The following NRG3 variants were observed in gnomAD, a reference collection of about 807,000 sequenced individuals.
The protein encoded by NRG3 is pro-neuregulin-3, membrane-bound isoform.
A neutral mutation model predicts 66.9 loss-of-function variants in NRG3; 31 were observed. That is an observed-to-expected ratio of 0.46 (90% confidence interval 0.35 to 0.63). The LOEUF (loss-of-function observed/expected upper bound fraction) is 0.63, where lower values mean the gene tolerates loss of function less well. Ranked by LOEUF, NRG3 falls within the 20% of genes least tolerant of loss-of-function variation. NRG3 has a pLI of 0.00. For missense variants in NRG3, 910 were observed against 878.9 expected (o/e 1.04, Z -0.45); for synonymous variants, 393 against 359.4 (o/e 1.09, Z -1.06).
intron 2 of NRG3, among the ~76,000 whole-genome samples, chr10:82,499,282 T>G (rs1037689713): frequency 6.6e-6 from 1 of 152,202 alleles, no homozygotes; most frequent in Non-Finnish European, 1.5e-5. Context: ...ACTTGGCTGG[T>G]ACTTTCAAAG....
At chr10:82,169,761 A>G (rs1202534215) in intron 1 of NRG3, among the ~76,000 whole-genome samples, 1 of 151,768 alleles carries the variant, frequency 6.6e-6, no homozygotes, top group African/African-American at 2.4e-5. Flanking sequence ...ATTAAAGATT[A>G]TGTGTAGTTT....
At chr10:82,984,564 T>C (rs1853257169) in intron 8 of NRG3, among the ~76,000 whole-genome samples, 2 of 152,108 alleles carry the variant, frequency 1.3e-5, no homozygotes, top group Non-Finnish European at 2.9e-5. Context: ...CTAAAATCAG[T>C]GTGAAGCAGA....
intron 2 of NRG3, among the ~76,000 whole-genome samples, chr10:82,462,122 A>G (rs573573606): frequency 1.5e-4 from 23 of 152,148 alleles, no homozygotes; most frequent in African/African-American, 5.3e-4. Flanking sequence ...CAAGAGTGAA[A>G]CTCCATCTCA....
chr10:82,723,132 C>CTTTTTAT (rs1328631600), intron 2 of NRG3, among the ~76,000 whole-genome samples: 9 of 152,116 alleles, frequency 5.9e-5, no homozygotes, highest in Non-Finnish European at 1.2e-4. Context: ...TGGAATACTA[C>CTTTTTAT]ACAGCCATAA....
chr10:82,830,754 C>T (rs1027785027), intron 3 of NRG3, among the ~76,000 whole-genome samples: 1 of 152,080 alleles, frequency 6.6e-6, no homozygotes, highest in Non-Finnish European at 1.5e-5. Flanking sequence ...CAACTCCTAC[C>T]TTGCTAAAAA....
At chr10:82,946,915 T>A (rs1849085498) in intron 4 of NRG3, among the ~76,000 whole-genome samples, 1 of 152,204 alleles carries the variant, frequency 6.6e-6, no homozygotes, top group African/African-American at 2.4e-5. Flanking sequence ...CTTTGCATAT[T>A]CTTTGTATTC....
intron 3 of NRG3, among the ~76,000 whole-genome samples, chr10:82,819,075 C>T (rs937895374): frequency 1.1e-4 from 16 of 152,190 alleles, no homozygotes; most frequent in South Asian, 2.1e-4. Flanking sequence ...CATAATTAGA[C>T]GTATTTTGTA....
At chr10:82,272,680 A>G (rs1356400259) in intron 1 of NRG3, among the ~76,000 whole-genome samples, 1 of 152,024 alleles carries the variant, frequency 6.6e-6, no homozygotes, top group East Asian at 1.9e-4. Context: ...ATATTCCATG[A>G]CATATTCATG....
chr10:82,017,387 C>T (rs576233663), intron 1 of NRG3, among the ~76,000 whole-genome samples: 3 of 152,072 alleles, frequency 2.0e-5, no homozygotes, highest in Admixed American at 6.6e-5. Flanking sequence ...TGAGTAGTGC[C>T]GCAATAAACA....
chr10:82,216,054 G>A (rs2484886), intron 1 of NRG3, among the ~76,000 whole-genome samples: 16,526 of 129,800 alleles, frequency 0.13, 1,042 homozygotes, highest in Middle Eastern at 0.22. Context: ...TGCAACCTCC[G>A]CCTCCCAGGT....
chr10:82,359,262 C>A (rs543427962), intron 2 of NRG3, among the ~76,000 whole-genome samples: 1 of 152,308 alleles, frequency 6.6e-6, no homozygotes, highest in East Asian at 1.9e-4. Flanking sequence ...AACTGCTCAT[C>A]TAAGATCTAG....
intron 2 of NRG3, among the ~76,000 whole-genome samples, chr10:82,643,324 G>A (rs951269695): frequency 1.3e-5 from 2 of 152,054 alleles, no homozygotes; most frequent in African/African-American, 4.8e-5. Context: ...GAGTTTCCCT[G>A]CAGAAGCTCT....
chr10:82,958,167 A>C (rs1850258238), intron 5 of NRG3, among the ~76,000 whole-genome samples: 2 of 152,214 alleles, frequency 1.3e-5, no homozygotes, highest in African/African-American at 4.8e-5. Context: ...GGCAATTCTG[A>C]GTGGTGGTTG....
At chr10:82,123,051 G>A (rs187176884) in intron 1 of NRG3, among the ~76,000 whole-genome samples, 94 of 151,296 alleles carry the variant, frequency 6.2e-4, no homozygotes, top group Admixed American at 2.7e-3. Context: ...CTGGTGAAAT[G>A]GATTCACGTG....
At chr10:82,383,213 A>G (rs368029102) in intron 2 of NRG3, among the ~76,000 whole-genome samples, 55 of 151,882 alleles carry the variant, frequency 3.6e-4, no homozygotes, top group African/African-American at 1.2e-3. Flanking sequence ...CTCTGCTAAC[A>G]TTTTTCTTTT....
intron 2 of NRG3, among the ~76,000 whole-genome samples, chr10:82,587,858 G>A (rs747862542): frequency 1.5e-4 from 23 of 152,190 alleles, no homozygotes; most frequent in Non-Finnish European, 3.2e-4. Context: ...ATGTGAAAGT[G>A]TAAATAGTCG....
At chr10:82,222,311 TTAAA>T (rs2075978850) in intron 1 of NRG3, among the ~76,000 whole-genome samples, 1 of 151,990 alleles carries the variant, frequency 6.6e-6, no homozygotes, top group Non-Finnish European at 1.5e-5. Context: ...GAACAATTTC[TTAAA>T]TAAATCAGGA....
intron 2 of NRG3, among the ~76,000 whole-genome samples, chr10:82,665,693 A>G (rs997201826): frequency 5.9e-5 from 9 of 152,076 alleles, no homozygotes; most frequent in African/African-American, 1.4e-4. Flanking sequence ...TGGCCCATCA[A>G]TTCAGGAACT....
intron 1 of NRG3, among the ~76,000 whole-genome samples, chr10:82,345,204 G>A (rs1287282573): frequency 7.8e-5 from 11 of 141,786 alleles, no homozygotes; most frequent in East Asian, 2.1e-4. Context: ...TAGGTCTAAC[G>A]TTTAAGTCTT....
Sources: allele counts gnomAD v4.1 joint callset (sites outside exome capture counted in the v4.1 genomes callset), GRCh38; gene constraint gnomAD v4.1.1; transcripts MANE v1.5; gene names NCBI Gene and HGNC (gene_info 2026-07-23, HGNC 2026-07-21).